Variants in DAB1 observed in about 807,000 individuals in gnomAD.
DAB1 encodes the protein DAB adaptor protein 1.
A neutral mutation model predicts 64.6 loss-of-function variants in DAB1; 15 were observed. That is an observed-to-expected ratio of 0.23 (90% CI 0.16 to 0.36). DAB1 has a LOEUF of 0.36. Ranked by LOEUF, DAB1 falls within the 10% of genes least tolerant of loss-of-function variation. DAB1 has a pLI of 1.00. For missense variants in DAB1, 596 were observed against 706.7 expected, an observed-to-expected ratio of 0.84 and a Z score of 1.78; for synonymous variants, 235 against 251.9, an observed-to-expected ratio of 0.93 and a Z score of 0.64.
rs544794912 is a variant in DAB1 at position 58,146,116 on chromosome 1, C to G, written n.387+4395G>C. Among the ~76,000 whole-genome samples, 20 of 152,228 alleles carry G rather than the reference C, an allele frequency of 1.3e-4. 1 individual carries two copies. The highest frequency in any genetic ancestry group is 5.9e-4 in the Admixed American group (9 of 15,292). On this transcript the variant is annotated intron_variant and non_coding_transcript_variant, in intron 5 of 20. Coordinates refer to the DAB1 transcript ENST00000485760. Reference sequence around the variant, plus strand: ...TACAGTACATAATCCATATAACATACTAAATTTGTGTTAATTGACTGTTTA... The same window carrying G: ...TACAGTACATAATCCATATAACATAGTAAATTTGTGTTAATTGACTGTTTA...
intron 4 of DAB1, among the ~76,000 whole-genome samples, chr1:58,244,667 G>C (rs934322449): frequency 1.2e-4 from 19 of 152,120 alleles, no homozygotes; most frequent in African/African-American, 4.6e-4. Flanking sequence ...TTGTGCCTAG[G>C]ACATGTTACT....
intron 3 of DAB1, among the ~76,000 whole-genome samples, chr1:57,139,843 A>C (rs547061972): frequency 1.4e-4 from 22 of 152,168 alleles, no homozygotes; most frequent in Non-Finnish European, 2.9e-4. Flanking sequence ...AAAAGCCAAC[A>C]TACATGTTCC....
At chr1:58,104,679 T>C (rs1651531497) in intron 5 of DAB1, among the ~76,000 whole-genome samples, 1 of 152,190 alleles carries the variant, frequency 6.6e-6, no homozygotes, top group South Asian at 2.1e-4. Context: ...TTAAATCCAT[T>C]GGAGGGAATT....
intron 3 of DAB1, among the ~76,000 whole-genome samples, chr1:58,434,114 G>T (rs1164965266): frequency 1.3e-5 from 2 of 152,190 alleles, no homozygotes; most frequent in Non-Finnish European, 2.9e-5. Flanking sequence ...TTGATTGAGT[G>T]AAATGGGGTC....
chr1:57,736,476 G>A (rs1647698262), intron 6 of DAB1, among the ~76,000 whole-genome samples: 1 of 152,166 alleles, frequency 6.6e-6, no homozygotes, highest in Non-Finnish European at 1.5e-5. Context: ...TTTGGAATCA[G>A]AATTTCCAGA....
intron 2 of DAB1, among the ~76,000 whole-genome samples, chr1:57,235,834 C>T (rs769967248): frequency 6.6e-5 from 10 of 152,296 alleles, no homozygotes; most frequent in South Asian, 4.1e-4. Context: ...ATAATGTAGA[C>T]GCATCACAAT....
At chr1:57,897,094 T>C (rs1403413858) in intron 5 of DAB1, among the ~76,000 whole-genome samples, 2 of 152,122 alleles carry the variant, frequency 1.3e-5, no homozygotes, top group Admixed American at 1.3e-4. Context: ...TCTGCATCTG[T>C]AAAAAAAGTA....
chr1:57,484,033 G>A (rs926564839), intron 7 of DAB1, among the ~76,000 whole-genome samples: 3 of 152,180 alleles, frequency 2.0e-5, no homozygotes, highest in African/African-American at 4.8e-5. Flanking sequence ...AGGGAGAGGT[G>A]GGGGCAAGGT....
intron 2 of DAB1, among the ~76,000 whole-genome samples, chr1:57,238,242 G>A (rs566480730): frequency 1.7e-3 from 264 of 152,272 alleles, no homozygotes; most frequent in African/African-American, 6.3e-3. Context: ...TCCTGAATGA[G>A]AAACTCTGGG....
chr1:58,532,819 C>A (rs1238868618), intron 1 of DAB1, among the ~76,000 whole-genome samples: 1 of 152,184 alleles, frequency 6.6e-6, no homozygotes, highest in African/African-American at 2.4e-5. Flanking sequence ...AGCCACTGCA[C>A]CCAGTCAAGA....
intron 3 of DAB1, among the ~76,000 whole-genome samples, chr1:58,421,227 T>C (rs1051474880): frequency 5.9e-5 from 9 of 152,230 alleles, no homozygotes; most frequent in African/African-American, 2.2e-4. Flanking sequence ...TGGGTTAATA[T>C]ATTCATTAGG....
At position 57,130,553 on chromosome 1, in the gene DAB1, T is replaced by C. The variant is rs140765032; in HGVS notation, c.306+5990A>G. Among the ~76,000 whole-genome samples the C allele has an allele frequency of 2.5e-3, 381 of 152,244 alleles. 1 individual carries two copies. Among genetic ancestry groups the C allele is most frequent in the Middle Eastern group, 0.02 (6 of 294 alleles). On this transcript the variant is annotated intron_variant, in intron 4 of 14. Coordinates refer to ENST00000371236, the MANE Select transcript of DAB1 (RefSeq NM_001365792.1). ...GAATATATAAATAAAATGTGGTATA[T>C]ATATGCAATGAAATACTATCAGGCC...
chr1:58,491,071 T>C (rs1451682335), intron 3 of DAB1, among the ~76,000 whole-genome samples: 1 of 152,050 alleles, frequency 6.6e-6, no homozygotes, highest in Non-Finnish European at 1.5e-5. Flanking sequence ...CCTCCCAAAG[T>C]GCTGAGATTA....
chr1:57,897,496 A>G (rs1169339243), intron 5 of DAB1, among the ~76,000 whole-genome samples: 1 of 152,186 alleles, frequency 6.6e-6, no homozygotes, highest in Non-Finnish European at 1.5e-5. Flanking sequence ...CAATTAGCAC[A>G]TCTTCTCAAT....
At chr1:57,011,900 A>T (rs535237024) in intron 12 of DAB1, among the ~76,000 whole-genome samples, 1 of 152,346 alleles carries the variant, frequency 6.6e-6, no homozygotes, top group East Asian at 1.9e-4. Flanking sequence ...TTCAATAAAC[A>T]CATGTTGAAT....
At chr1:57,352,463 C>G (rs554532747) in intron 1 of DAB1, among the ~76,000 whole-genome samples, 11 of 152,212 alleles carry the variant, frequency 7.2e-5, no homozygotes, top group African/African-American at 2.6e-4. Context: ...TACCTAAGTT[C>G]AAAAGCTTGC....
intron 9 of DAB1, among the ~76,000 whole-genome samples, chr1:57,030,332 T>C (rs1052632768): frequency 3.9e-5 from 6 of 152,216 alleles, no homozygotes; most frequent in African/African-American, 1.4e-4. Flanking sequence ...TTATCAGCAG[T>C]ATGAAAACAG....
chr1:58,213,654 ATTC>A (rs1388580328), intron 4 of DAB1, among the ~76,000 whole-genome samples: 1 of 152,138 alleles, frequency 6.6e-6, no homozygotes, highest in Non-Finnish European at 1.5e-5. Context: ...GGGAACTACA[ATTC>A]AAGGTGAGAT....
chr1:57,129,128 T>A (rs1378701927), intron 4 of DAB1, among the ~76,000 whole-genome samples: 1 of 152,168 alleles, frequency 6.6e-6, no homozygotes, highest in Non-Finnish European at 1.5e-5. Context: ...AGACCAAGAC[T>A]GATAAGAGGA....
Sources: gnomAD v4.1 joint callset for allele counts (sites outside exome capture counted in the v4.1 genomes callset) on GRCh38, gnomAD v4.1.1 for gene constraint, MANE v1.5 for transcripts, NCBI Gene and HGNC (gene_info 2026-07-23, HGNC 2026-07-21) for gene names.